The following C12orf43 variants were observed in gnomAD, a reference collection of about 807,000 sequenced individuals.
C12orf43 encodes chromosome 12 open reading frame 43.
In C12orf43, 15 loss-of-function variants were observed where a neutral mutation model predicts 20.6. That is an observed-to-expected ratio of 0.73 (90% confidence interval 0.49 to 1.12). The LOEUF is 1.12. Among genes scored for constraint, C12orf43 ranks in the 50% most tolerant of loss-of-function variants. The pLI, the probability that C12orf43 is intolerant of heterozygous loss-of-function variation, is 0.00. For missense variants in C12orf43, 334 were observed against 344.4 expected, an observed-to-expected ratio of 0.97 and a Z score of 0.24; for synonymous variants, 144 against 130.8, an observed-to-expected ratio of 1.10 and a Z score of -0.69.
In C12orf43 at chr12:121,001,160, A is replaced by C. The variant is rs1217308885; in HGVS notation, c.*2993T>G. The C allele has an allele frequency of 3.1e-6, 5 of 1,613,944 alleles. No homozygotes were observed. In the South Asian group the frequency reaches 4.4e-5, roughly 14 times the overall value. On this transcript the variant is annotated 3_prime_UTR_variant, in exon 6 of 6. Transcript: ENST00000288757. ...CAACCACAGCGTCATCGAGACCTTC[A>C]TCTCCACCCAGATGGCCTCTTCCTC...
Position 121,001,941 on chromosome 12 carries a change from T to C in C12orf43, c.*2212A>G. On this transcript the variant is annotated 3_prime_UTR_variant, in exon 6 of 6. Coordinates refer to ENST00000288757, the MANE Select transcript of C12orf43 (RefSeq NM_022895.3). ...GAGCATCATGCCTCTGAGGCCAGCC[T>C]GGCCTCCTGCCTCTACTGGGAAGGC... is the stretch of plus-strand genomic sequence containing the variant. 1.9e-6 allele frequency: 1 copy of C among 526,732 alleles called. No homozygotes were observed. Among genetic ancestry groups the C allele is most frequent in the Non-Finnish European group, 3.7e-6 (1 of 271,724 alleles). The allele number at this position is 526,732 out of a possible 1,614,324, so 32.6% of individuals were successfully genotyped here.
In C12orf43 at chr12:121,000,796, C is replaced by T. The variant is rs1277588894; in HGVS notation, c.*3357G>A. 3 of 501,482 alleles carry T rather than the reference C, an allele frequency of 6.0e-6. No homozygotes were observed. Among genetic ancestry groups the T allele is most frequent in the African/African-American group, 1.9e-5 (1 of 51,980 alleles). 31.1% of individuals were successfully genotyped at this position (501,482 alleles called of 1,614,324 possible). On this transcript the variant is annotated 3_prime_UTR_variant, in exon 6 of 6. Coordinates refer to ENST00000288757, the MANE Select transcript of C12orf43 (RefSeq NM_022895.3). Reference sequence around the variant, plus strand: ...TTGACTCAGCCTAGCCAAGCCAACACGTACAACTACCTACCTCGGCATCTC... The same window carrying T: ...TTGACTCAGCCTAGCCAAGCCAACATGTACAACTACCTACCTCGGCATCTC...
chr12:121,001,221 C>A lies in C12orf43; in HGVS notation c.*2932G>T. The stretch of plus-strand genomic sequence containing the variant: ...CGGCACCTGGGCCCTGGGGCCTGTA[C>A]TGCCTGCTTGGGGGGTGATGAGGGC... On this transcript the variant is annotated 3_prime_UTR_variant, in exon 6 of 6. Transcript: ENST00000288757. The A allele has an allele frequency of 6.2e-7, 1 of 1,612,840 alleles. No homozygotes were observed. Among genetic ancestry groups the A allele is most frequent in the Non-Finnish European group, 8.5e-7 (1 of 1,179,606 alleles).
chr12:121,002,286 G>A lies in C12orf43; in HGVS notation c.*1867C>T. The A allele has an allele frequency of 2.3e-6, 1 of 443,170 alleles. No individual in the cohort carries two copies. Among genetic ancestry groups the A allele is most frequent in the Non-Finnish European group, 4.3e-6 (1 of 233,572 alleles). The allele number at this position is 443,170 out of a possible 1,614,324, so 27.5% of individuals were successfully genotyped here. ...TCGCAGCCACCCTGAGGAGTCTGAG[G>A]TCCTGAGCACTGCCAGGAGGGACAA... On this transcript the variant is annotated 3_prime_UTR_variant, in exon 6 of 6. Transcript: ENST00000288757.
In C12orf43 at chr12:121,003,844, A is replaced by C; in HGVS notation, c.*309T>G. On this transcript the variant is annotated 3_prime_UTR_variant, in exon 6 of 6. Coordinates refer to ENST00000288757, the MANE Select transcript of C12orf43 (RefSeq NM_022895.3). ...ATGGAGGTTTCACCACTTGGCCACT[A>C]GTCTCAAATAACTGGAAGGTTCCTT... 2.4e-6 allele frequency: 1 copy of C among 413,666 alleles called. No individual in the cohort carries two copies. 25.6% of individuals were successfully genotyped at this position (413,666 alleles called of 1,614,324 possible). A position where few individuals can be genotyped will look rare whatever the true frequency, so the allele number is the denominator to read the frequency against.
At chr12:121,016,172 A>G in intron 1 of C12orf43, 158 bp downstream of exon 1, 2 of 1,105,618 alleles carry the variant, frequency 1.8e-6, no homozygotes, top group Non-Finnish European at 2.7e-6. Context: ...TCCCTACTGC[A>G]CCTGCCCATG....
At position 121,010,100 on chromosome 12, in the gene C12orf43, G is replaced by A. The variant is rs536321903; in HGVS notation, c.287+728C>T. 3.9e-5 allele frequency among the ~76,000 whole-genome samples: 6 copies of A among 152,330 alleles called. No homozygotes were observed. The East Asian group carries it at 5.8e-4, about 15-fold the overall frequency. Reference sequence around the variant, plus strand: ...GTGGATCACTCGAGGTCAGGAGTTCGAGATCAGCCTGGTCAACACGGTGAA... The same window carrying A: ...GTGGATCACTCGAGGTCAGGAGTTCAAGATCAGCCTGGTCAACACGGTGAA... On this transcript the variant is annotated intron_variant, in intron 3 of 5. Transcript: ENST00000288757.
At chr12:121,009,938 C>T (rs1021646345) in intron 3 of C12orf43, among the ~76,000 whole-genome samples, 4 of 152,234 alleles carry the variant, frequency 2.6e-5, no homozygotes, top group African/African-American at 9.6e-5. Flanking sequence ...TCCTTGCCCT[C>T]TTGTGGCGGG....
At chr12:121,010,721 G>C in intron 3 of C12orf43, 107 bp downstream of exon 3, 2 of 714,080 alleles carry the variant, frequency 2.8e-6, no homozygotes, top group African/African-American at 3.7e-5. Context: ...ACATATGCCA[G>C]GTGCCTGCCA....
Position 121,001,448 on chromosome 12 carries a change from G to A in C12orf43, c.*2705C>T. 3.7e-6 allele frequency: 2 copies of A among 536,622 alleles called. No homozygotes were observed. The highest frequency in any genetic ancestry group is 3.1e-5 in the Admixed American group (1 of 31,794). The allele number at this position is 536,622 out of a possible 1,614,324, so 33.2% of individuals were successfully genotyped here. ...AAGCCTGTTCATGGCAGATGTAGGA[G>A]GGACTGTCGCTGCTTCGTGGGATAC... On this transcript the variant is annotated 3_prime_UTR_variant, in exon 6 of 6. Coordinates refer to ENST00000288757, the MANE Select transcript of C12orf43 (RefSeq NM_022895.3).
Position 121,016,367 on chromosome 12 carries a change from C to T in C12orf43, c.108G>A (p.Leu36=), listed in dbSNP as rs779133657. ...CREAAMPAWG[L]EQRPHVAGKP... is the part of the protein sequence containing the mutation. ...TCCCTGCCACGTGCGGGCGTTGCTC[C>T]AAGCCCCAAGCCGGCATTGCCGCCT... Residue 36 remains leucine, a synonymous_variant, in exon 1 of 6, where the codon TTG becomes TTA. Coordinates refer to ENST00000288757, the MANE Select transcript of C12orf43 (RefSeq NM_022895.3). The T allele has an allele frequency of 3.1e-6, 5 of 1,613,848 alleles. No homozygotes were observed. The South Asian group carries it at 4.4e-5, about 14-fold the overall frequency.
chr12:121,001,722 G>A lies in C12orf43; in HGVS notation c.*2431C>T, dbSNP rs974593946. On this transcript the variant is annotated 3_prime_UTR_variant, in exon 6 of 6. Coordinates refer to ENST00000288757, the MANE Select transcript of C12orf43 (RefSeq NM_022895.3). The stretch of plus-strand genomic sequence containing the variant: ...CCAGCTAGTGACCCACATGCCATTT[G>A]TACTGACCCCATCACCTACTCACAC... The A allele has an allele frequency of 3.8e-6, 2 of 522,186 alleles. No individual in the cohort carries two copies. Among genetic ancestry groups the A allele is most frequent in the Admixed American group, 2.3e-5 (1 of 42,808 alleles). The allele number at this position is 522,186 out of a possible 1,614,324, so 32.3% of individuals were successfully genotyped here. A position where few individuals can be genotyped will look rare whatever the true frequency, so the allele number is the denominator to read the frequency against.
At chr12:121,012,509 A>G in intron 1 of C12orf43, 1 of 702,334 alleles carries the variant, frequency 1.4e-6, no homozygotes, top group South Asian at 1.5e-5. Context: ...AGTCTGCTGC[A>G]GTAATTGATG....
chr12:121,008,663 C>G (rs1228819986), intron 3 of C12orf43, among the ~76,000 whole-genome samples: 1 of 152,222 alleles, frequency 6.6e-6, no homozygotes, highest in Non-Finnish European at 1.5e-5. Context: ...TGAGGGGAAC[C>G]CTGTGGGATT....
Position 121,001,973 on chromosome 12 carries a change from G to C in C12orf43, c.*2180C>G. 1.9e-6 allele frequency: 1 copy of C among 534,460 alleles called. No homozygotes were observed. The highest frequency in any genetic ancestry group is 1.5e-5 in the South Asian group (1 of 64,916). 33.1% of individuals were successfully genotyped at this position (534,460 alleles called of 1,614,324 possible). Reference sequence around the variant, plus strand: ...CTGCCTCTACTGGGAAGGCTACTTCGGGGCTGGGAAGTCGTCCTTACTCCT... The same window carrying C: ...CTGCCTCTACTGGGAAGGCTACTTCCGGGCTGGGAAGTCGTCCTTACTCCT... On this transcript the variant is annotated 3_prime_UTR_variant, in exon 6 of 6. Coordinates refer to ENST00000288757, the MANE Select transcript of C12orf43 (RefSeq NM_022895.3).
In C12orf43 at chr12:121,016,450, T is replaced by C. The variant is rs771519116; in HGVS notation, c.25A>G (p.Ser9Gly). The change falls in exon 1 of 6, where the codon AGC (serine) becomes GGC (glycine). Residue 9 changes from serine (S) to glycine (G), a missense_variant. Ser to Gly is a moderately conservative substitution (Grantham distance 56). Transcript: ENST00000288757. ...CTGCTGTTACTACTTTCCGAATCGC[T>C]CACTGTGCCACTGGGCGCCGCCATC... is the stretch of plus-strand genomic sequence containing the variant. MAAPSGTV[S>G]DSESSNSSSD... 5 of 1,614,074 alleles carry C rather than the reference T, an allele frequency of 3.1e-6. No individual in the cohort carries two copies. The highest frequency in any genetic ancestry group is 4.2e-6 in the Non-Finnish European group (5 of 1,180,026).
In C12orf43 at chr12:121,004,897, G is replaced by T; in HGVS notation, c.452+106C>A. ...TCTCCAGCTGCCTGACAGGGCCACT[G>T]CCTTGGCCTGGTCCTGACTGGAGTC... On this transcript the variant is annotated intron_variant, in intron 5 of 5. Coordinates refer to ENST00000288757, the MANE Select transcript of C12orf43 (RefSeq NM_022895.3). This position sits in a 1 kb window ranked among gnomAD's most constrained non-coding sequence, Gnocchi z 5.6. 2.5e-6 allele frequency: 2 copies of T among 808,178 alleles called. No individual in the cohort carries two copies. The highest frequency in any genetic ancestry group is 3.6e-6 in the Non-Finnish European group (2 of 554,622). The allele number at this position is 808,178 out of a possible 1,614,324, so 50.1% of individuals were successfully genotyped here.
chr12:121,012,678 C>A, intron 1 of C12orf43: 1 of 453,514 alleles, frequency 2.2e-6, no homozygotes, highest in East Asian at 4.3e-5. Context: ...TGGTGAAACC[C>A]CATCTCTACT....
intron 1 of C12orf43, among the ~76,000 whole-genome samples, chr12:121,012,165 G>A (rs1451336636): frequency 6.6e-6 from 1 of 152,164 alleles, no homozygotes; most frequent in Non-Finnish European, 1.5e-5. Context: ...AGAGGAGAGG[G>A]AGTGAACCAA....
Sources: gnomAD v4.1 joint callset for allele counts (sites outside exome capture counted in the v4.1 genomes callset) on GRCh38, gnomAD v4.1.1 for gene constraint, Gnocchi (gnomAD v3.1) non-coding constraint, MANE v1.5 for transcripts, NCBI Gene and HGNC (gene_info 2026-07-23, HGNC 2026-07-21) for gene names.